Variants in TRIM9 observed in about 807,000 individuals in gnomAD.
TRIM9 encodes tripartite motif containing 9.
TRIM9 carries 26 observed loss-of-function variants against 78.3 expected under a neutral mutation model. The ratio of observed to expected loss-of-function variants is 0.33; its 90% CI spans 0.24 to 0.46. TRIM9 has a LOEUF of 0.46. Among genes scored for constraint, TRIM9 ranks in the 20% least tolerant of loss-of-function variants. TRIM9 has a pLI of 1.00. For missense variants in TRIM9, 787 were observed against 1,036.4 expected (o/e 0.76, Z 3.30); for synonymous variants, 398 against 416.5 (o/e 0.96, Z 0.54).
chr14:51,074,550 A>G (rs1162547583), intron 1 of TRIM9, among the ~76,000 whole-genome samples: 1 of 152,158 alleles, frequency 6.6e-6, no homozygotes, highest in Non-Finnish European at 1.5e-5. Context: ...ATCTCTCTCA[A>G]TCAAATCTTA....
intron 1 of TRIM9, chr14:51,088,908 G>A (rs1452534401): frequency 1.3e-5 from 2 of 151,200 alleles, no homozygotes; most frequent in African/African-American, 2.4e-5. Flanking sequence ...GTATTTACAT[G>A]TGTTAATTCA....
intron 3 of TRIM9, among the ~76,000 whole-genome samples, chr14:51,010,807 G>T (rs1480303325): frequency 6.6e-6 from 1 of 152,194 alleles, no homozygotes; most frequent in Non-Finnish European, 1.5e-5. Flanking sequence ...GCACTTTTCT[G>T]TGAAGCTGAC....
chr14:50,991,521 G>C (rs1471426483), intron 7 of TRIM9, among the ~76,000 whole-genome samples: 1 of 152,144 alleles, frequency 6.6e-6, no homozygotes, highest in Non-Finnish European at 1.5e-5. Flanking sequence ...TCTGGGTCAG[G>C]AAAAGCAGAG....
At chr14:51,031,661 T>C (rs1429089952) in intron 1 of TRIM9, among the ~76,000 whole-genome samples, 1 of 152,220 alleles carries the variant, frequency 6.6e-6, no homozygotes, top group Non-Finnish European at 1.5e-5. Context: ...CCTGTTGCAA[T>C]TGTATACTGA....
In TRIM9 at chr14:50,977,300, T is replaced by C. The variant is rs766538028; in HGVS notation, c.2379A>G (p.Ser793=). Residue 793 remains serine (S), a synonymous_variant, in exon 13 of 13, where the codon TCA becomes TCG. Coordinates refer to ENST00000684578, the MANE Select transcript of TRIM9 (RefSeq NM_001387360.1). ...CCTCCACGGCACATCCTTAGGCTAT[T>C]GATGCTCTGCTGGAGTAGAAGTCGG... ...PVPDFYSSRA[S]IA 1 of 1,539,606 alleles carries C rather than the reference T, an allele frequency of 6.5e-7. No individual in the cohort carries two copies. Among genetic ancestry groups the C allele is most frequent in the Non-Finnish European group, 8.8e-7 (1 of 1,140,472 alleles).
At chr14:51,066,105 G>C (rs1287204789) in intron 1 of TRIM9, among the ~76,000 whole-genome samples, 1 of 138,416 alleles carries the variant, frequency 7.2e-6, no homozygotes, top group Non-Finnish European at 1.6e-5. Context: ...GGGAGGGACG[G>C]AGGGAGGGAG....
chr14:50,991,686 T>C (rs988160759), intron 7 of TRIM9, among the ~76,000 whole-genome samples: 2 of 152,236 alleles, frequency 1.3e-5, no homozygotes, highest in Admixed American at 6.5e-5. Flanking sequence ...TGCTGCTTCA[T>C]AGCATTTTCT....
At chr14:50,983,072 A>G (rs772935234) in intron 9 of TRIM9, 107 bp from the exon 10 acceptor site, 4 of 1,084,702 alleles carry the variant, frequency 3.7e-6, no homozygotes, top group Non-Finnish European at 5.4e-6. Flanking sequence ...AAAAGGACTC[A>G]ATTTAAAATG....
intron 3 of TRIM9, among the ~76,000 whole-genome samples, chr14:51,020,339 T>C (rs570031750): frequency 8.5e-5 from 13 of 152,190 alleles, no homozygotes; most frequent in African/African-American, 2.9e-4. Context: ...GGTGGCTGTT[T>C]TTGGAAGCAA....
chr14:51,033,984 T>A (rs2058940115), intron 1 of TRIM9, among the ~76,000 whole-genome samples: 1 of 152,216 alleles, frequency 6.6e-6, no homozygotes, highest in African/African-American at 2.4e-5. Context: ...ACAAAATAAG[T>A]ATAAATGCTA....
intron 11 of TRIM9, among the ~76,000 whole-genome samples, chr14:50,979,797 T>A (rs971934807): frequency 2.6e-5 from 4 of 152,208 alleles, no homozygotes; most frequent in African/African-American, 9.6e-5. Flanking sequence ...CCTGCCACCA[T>A]CAATTTTCAC....
chr14:51,009,718 G>A (rs2139628150), intron 4 of TRIM9, among the ~76,000 whole-genome samples: 1 of 152,266 alleles, frequency 6.6e-6, no homozygotes, highest in South Asian at 2.1e-4. Context: ...GATTATCACT[G>A]TATTCTTTGG....
chr14:51,035,066 C>T (rs1453005532), intron 1 of TRIM9, among the ~76,000 whole-genome samples: 3 of 152,066 alleles, frequency 2.0e-5, no homozygotes, highest in Non-Finnish European at 4.4e-5. Flanking sequence ...TTCAAGATAG[C>T]AATAGATATA....
At chr14:51,093,898 C>A (rs1456035586) in intron 1 of TRIM9, among the ~76,000 whole-genome samples, 1 of 152,280 alleles carries the variant, frequency 6.6e-6, no homozygotes. Flanking sequence ...CGCTCTAAGG[C>A]ATCCCCGCAA....
At chr14:51,030,059 T>C (rs1482410155) in intron 1 of TRIM9, among the ~76,000 whole-genome samples, 1 of 152,246 alleles carries the variant, frequency 6.6e-6, no homozygotes, top group East Asian at 1.9e-4. Context: ...TTCAACTTTT[T>C]TCCTGCATGA....
intron 1 of TRIM9, among the ~76,000 whole-genome samples, chr14:51,079,607 T>G (rs2063117966): frequency 6.6e-6 from 1 of 152,252 alleles, no homozygotes; most frequent in African/African-American, 2.4e-5. Flanking sequence ...TAATCTATTG[T>G]TAGGATCAGA....
chr14:51,047,799 C>T (rs1160875458), intron 1 of TRIM9, among the ~76,000 whole-genome samples: 2 of 152,186 alleles, frequency 1.3e-5, no homozygotes, highest in Non-Finnish European at 2.9e-5. Context: ...GGGGAACACA[C>T]AACTTTTAAA....
At chr14:51,027,693 G>T (rs2058375014) in intron 1 of TRIM9, among the ~76,000 whole-genome samples, 1 of 152,102 alleles carries the variant, frequency 6.6e-6, no homozygotes, top group African/African-American at 2.4e-5. Flanking sequence ...TGGAGTAAAA[G>T]TTTCTCCTCA....
At chr14:51,050,621 G>A (rs1185081716) in intron 1 of TRIM9, among the ~76,000 whole-genome samples, 2 of 152,182 alleles carry the variant, frequency 1.3e-5, no homozygotes, top group Non-Finnish European at 2.9e-5. Context: ...ACTGGGCAGT[G>A]GCTTGGGACT....
Sources: allele counts gnomAD v4.1 joint callset (sites outside exome capture counted in the v4.1 genomes callset), GRCh38; gene constraint gnomAD v4.1.1; transcripts MANE v1.5; gene names NCBI Gene and HGNC (gene_info 2026-07-23, HGNC 2026-07-21).